The following BAG1 variants were observed in gnomAD, a reference collection of about 807,000 sequenced individuals.
The protein encoded by BAG1 is BAG family molecular chaperone regulator 1.
BAG1 carries 35 observed loss-of-function variants against 35.5 expected under a neutral mutation model. That is an observed-to-expected ratio of 0.99 (90% CI 0.75 to 1.31). The LOEUF (loss-of-function observed/expected upper bound fraction) is 1.31. Ranked by LOEUF, BAG1 falls within the 50% of genes most tolerant of loss-of-function variation. The pLI, the probability that BAG1 is intolerant of heterozygous loss-of-function variation, is 0.00. For missense variants in BAG1, 464 were observed against 453.6 expected, an observed-to-expected ratio of 1.02 and a Z score of -0.21; for synonymous variants, 191 against 178.9, an observed-to-expected ratio of 1.07 and a Z score of -0.54.
rs367820745 is a variant in BAG1 at position 33,255,226 on chromosome 9, G to A, written c.1031C>T (p.Ala344Val). Residue 344 changes from alanine (A) to valine (V), a missense_variant, in exon 7 of 7, where the codon GCC becomes GTC. Ala to Val is a moderately conservative substitution (Grantham distance 64). Transcript: ENST00000634734. ...GCCTTTTTCTGCTACACCTCACTCGGCCAGGGCAAAGTTTGTAGACTGCAG... is the reference window on the plus strand; with the variant it reads ...GCCTTTTTCTGCTACACCTCACTCGACCAGGGCAAAGTTTGTAGACTGCAG... 1.6e-5 allele frequency: 26 copies of A among 1,614,072 alleles called. No individual in the cohort carries two copies. The highest frequency in any genetic ancestry group is 1.9e-5 in the Non-Finnish European group (22 of 1,180,042).
chr9:33,256,509 G>C (rs778519492), intron 5 of BAG1, among the ~76,000 whole-genome samples: 1 of 152,184 alleles, frequency 6.6e-6, no homozygotes, highest in Non-Finnish European at 1.5e-5. Flanking sequence ...CCATGAGATC[G>C]TGGACTCCTT....
Position 33,253,705 on chromosome 9 carries a change from T to C in BAG1, c.*1514A>G, listed in dbSNP as rs1820384063. ...AGAGTTATAGCGCAAAGGGCTACTA[T>C]CAATGTTATTAAGCATAAATTATGA... On this transcript the variant is annotated 3_prime_UTR_variant, in exon 7 of 7. Coordinates refer to ENST00000634734, the MANE Select transcript of BAG1 (RefSeq NM_004323.6). 6.9e-6 allele frequency: 1 copy of C among 145,712 alleles called. No individual in the cohort carries two copies. The highest frequency in any genetic ancestry group is 1.5e-5 in the Non-Finnish European group (1 of 67,346). 9.0% of individuals were successfully genotyped at this position (145,712 alleles called of 1,614,324 possible).
chr9:33,264,154 G>A (rs955411989), intron 1 of BAG1, 70 bp downstream of exon 1: 82 of 1,499,896 alleles, frequency 5.5e-5, no homozygotes, highest in Non-Finnish European at 7.0e-5. Flanking sequence ...TGGAGGACAC[G>A]TGACTAAACC....
chr9:33,257,176 A>G, intron 4 of BAG1: 1 of 413,100 alleles, frequency 2.4e-6, no homozygotes, highest in Non-Finnish European at 4.3e-6. Context: ...TGAAGCCCCC[A>G]GTCACAAGAA....
In BAG1 at chr9:33,252,885, G is replaced by A. The variant is rs1263494078; in HGVS notation, c.*2334C>T. 6.6e-6 allele frequency: 1 copy of A among 152,128 alleles called. No homozygotes were observed. Among genetic ancestry groups the A allele is most frequent in the Non-Finnish European group, 1.5e-5 (1 of 68,074 alleles). The allele number at this position is 152,128 out of a possible 1,614,324, so 9.4% of individuals were successfully genotyped here. A position where few individuals can be genotyped will look rare whatever the true frequency, so the allele number is the denominator to read the frequency against. Reference sequence around the variant, plus strand: ...AGGGTAGGGTTGGAGGAAGGAAGGTGAGGAGCTGTTCAAGCAGAGGTAGTA... The same window carrying A: ...AGGGTAGGGTTGGAGGAAGGAAGGTAAGGAGCTGTTCAAGCAGAGGTAGTA... On this transcript the variant is annotated 3_prime_UTR_variant, in exon 7 of 7. Transcript: ENST00000634734.
chr9:33,256,048 G>C, intron 5 of BAG1, 121 bp from the exon 6 acceptor site: 2 of 867,840 alleles, frequency 2.3e-6, no homozygotes, highest in Non-Finnish European at 3.8e-6. Flanking sequence ...CAGGTCACAG[G>C]TCACCAATGT....
chr9:33,261,383 A>C (rs533080047), intron 2 of BAG1, among the ~76,000 whole-genome samples: 2 of 152,358 alleles, frequency 1.3e-5, no homozygotes, highest in East Asian at 3.9e-4. Context: ...GATAATATTC[A>C]GTGCAACCTT....
chr9:33,252,817 A>C lies in BAG1; in HGVS notation c.*2402T>G, dbSNP rs1452592953. On this transcript the variant is annotated 3_prime_UTR_variant, in exon 7 of 7. Transcript: ENST00000634734. ...GGTGAGGGTTCTCCATGCAAGAGAC[A>C]TGTGAGTTGAATTCTGAAGGATGAA... 3 of 152,106 alleles carry C rather than the reference A, an allele frequency of 2.0e-5. No individual in the cohort carries two copies. The highest frequency in any genetic ancestry group is 7.2e-5 in the African/African-American group (3 of 41,402). 9.4% of individuals were successfully genotyped at this position (152,106 alleles called of 1,614,324 possible).
At position 33,264,568 on chromosome 9, in the gene BAG1, G is replaced by C; in HGVS notation, c.107C>G (p.Pro36Arg). The change falls in exon 1 of 7, where the codon CCG (proline) becomes CGG (arginine). Residue 36 changes from proline to arginine, a missense_variant. Pro to Arg is a moderately radical substitution (Grantham distance 103). Coordinates refer to ENST00000634734, the MANE Select transcript of BAG1 (RefSeq NM_004323.6). ...AGAGGGAGGCGGACCACGCTGGGCC[G>C]GGGGCTCCGACTGGCGCGGCTCCCG... is the stretch of plus-strand genomic sequence containing the variant. 2.8e-6 allele frequency: 4 copies of C among 1,426,190 alleles called. No homozygotes were observed. Among genetic ancestry groups the C allele is most frequent in the Non-Finnish European group, 3.6e-6 (4 of 1,096,716 alleles). 88.3% of individuals were successfully genotyped at this position (1,426,190 alleles called of 1,614,324 possible). A position where few individuals can be genotyped will look rare whatever the true frequency, so the allele number is the denominator to read the frequency against.
chr9:33,262,785 C>T lies in BAG1; in HGVS notation c.497G>A (p.Ser166Asn). 1 of 1,614,190 alleles carries T rather than the reference C, an allele frequency of 6.2e-7. No individual in the cohort carries two copies. The highest frequency in any genetic ancestry group is 8.5e-7 in the Non-Finnish European group (1 of 1,180,000). ...GGCCAGGTCTTGGACAACTGGTTCACTGCTGCCCTGCTGGGAGGTAACATG... is the reference window on the plus strand; with the variant it reads ...GGCCAGGTCTTGGACAACTGGTTCATTGCTGCCCTGCTGGGAGGTAACATG... Residue 166 changes from serine (S) to asparagine (N), a missense_variant, in exon 2 of 7, where the codon AGT (serine) becomes AAT (asparagine). Coordinates refer to ENST00000634734, the MANE Select transcript of BAG1 (RefSeq NM_004323.6).
At chr9:33,256,939 T>C (rs775529887) in intron 4 of BAG1, 31 bp from the exon 5 acceptor site, 1 of 1,553,186 alleles carries the variant, frequency 6.4e-7, no homozygotes, top group South Asian at 1.1e-5. Context: ...ATTGCAAGGG[T>C]TCTCTGAGGC....
At chr9:33,262,668 A>G (rs1220540172) in intron 2 of BAG1, 34 bp downstream of exon 2, 1 of 1,560,342 alleles carries the variant, frequency 6.4e-7, no homozygotes, top group Non-Finnish European at 8.6e-7. Flanking sequence ...AAAAAAAAAA[A>G]AAGAAAAAGA....
chr9:33,261,003 C>T, intron 3 of BAG1, 84 bp downstream of exon 3: 1 of 1,119,946 alleles, frequency 8.9e-7, no homozygotes. Context: ...ATCTGGGTCC[C>T]CAGTTTGGTC....
chr9:33,258,298 C>CAAAAA (rs10591225), intron 4 of BAG1, among the ~76,000 whole-genome samples: 127 of 63,288 alleles, frequency 2.0e-3, no homozygotes, highest in African/African-American at 3.2e-3. Flanking sequence ...GACTCCATAT[C>CAAAAA]AAAAAAAAAA....
intron 1 of BAG1, 69 bp from the exon 2 acceptor site, chr9:33,262,899 T>A: frequency 6.3e-7 from 1 of 1,578,610 alleles, no homozygotes; most frequent in Non-Finnish European, 8.6e-7. Context: ...TGACACTTTA[T>A]CACATTTATT....
rs1317815250 is a variant in BAG1, at chr9:33,253,842, C to A, written c.*1377G>T. 1.3e-5 allele frequency: 2 copies of A among 149,338 alleles called. No individual in the cohort carries two copies. The highest frequency in any genetic ancestry group is 1.3e-4 in the Admixed American group (2 of 15,076). 9.3% of individuals were successfully genotyped at this position (149,338 alleles called of 1,614,324 possible). The stretch of plus-strand genomic sequence containing the variant: ...GTTTTTTTTTCTTTTTATTTATCTA[C>A]TTTTACTTACTTAAATTTTAGAGAT... On this transcript the variant is annotated 3_prime_UTR_variant, in exon 7 of 7. Coordinates refer to ENST00000634734, the MANE Select transcript of BAG1 (RefSeq NM_004323.6).
chr9:33,264,654 C>T lies in BAG1; in HGVS notation c.21G>A (p.Ala7=). The T allele has an allele frequency of 7.4e-7, 1 of 1,343,072 alleles. No individual in the cohort carries two copies. Among genetic ancestry groups the T allele is most frequent in the African/African-American group, 1.5e-5 (1 of 64,968 alleles). The allele number at this position is 1,343,072 out of a possible 1,614,324, so 83.2% of individuals were successfully genotyped here. A position where few individuals can be genotyped will look rare whatever the true frequency, so the allele number is the denominator to read the frequency against. ...GCTCCCGGTCGCCTCGCGGTCTCCGCGCCCCCCCGCGCTGAGCCAGGCCCG... is the reference window on the plus strand; with the variant it reads ...GCTCCCGGTCGCCTCGCGGTCTCCGTGCCCCCCCGCGCTGAGCCAGGCCCG... The change falls in exon 1 of 7, where the codon GCG becomes GCA. Residue 7 remains alanine, a synonymous_variant. Transcript: ENST00000634734.
chr9:33,259,884 C>T (rs1435022155), intron 3 of BAG1: 1 of 152,230 alleles, frequency 6.6e-6, no homozygotes, highest in Admixed American at 6.5e-5. Flanking sequence ...TTAAGCCTTA[C>T]CACAACTCCA....
Position 33,264,529 on chromosome 9 carries a change from G to C in BAG1, c.146C>G (p.Ala49Gly), listed in dbSNP as rs187562179. 5.0e-5 allele frequency: 78 copies of C among 1,571,194 alleles called. No individual in the cohort carries two copies. In the Middle Eastern group the frequency reaches 5.5e-4, roughly 11 times the overall value. The stretch of plus-strand genomic sequence containing the variant: ...GTCATGCCCGCTGGCAGTACTCCGG[G>C]CAGGTGGACGCCCAGAGGGAGGCGG... Residue 49 changes from alanine (A) to glycine (G), a missense_variant, in exon 1 of 7, where the codon GCC (alanine) becomes GGC (glycine). Ala to Gly is a moderately conservative substitution (Grantham distance 60). Transcript: ENST00000634734.
Sources: allele counts gnomAD v4.1 joint callset (sites outside exome capture counted in the v4.1 genomes callset), GRCh38; gene constraint gnomAD v4.1.1; transcripts MANE v1.5; gene names NCBI Gene and HGNC (gene_info 2026-07-23, HGNC 2026-07-21).